Variants in TRIM5 observed in about 807,000 individuals in gnomAD.
The protein encoded by TRIM5 is tripartite motif containing 5, also known as tripartite motif-containing protein 5.
A neutral mutation model predicts 35.6 loss-of-function variants in TRIM5; 31 were observed. The observed-to-expected ratio is 0.87, with a 90% CI of 0.65 to 1.18. The LOEUF is 1.18. Among genes scored for constraint, TRIM5 ranks in the 50% most tolerant of loss-of-function variants. TRIM5 has a pLI of 0.00. For synonymous variants in TRIM5, 243 were observed against 215.6 expected (o/e 1.13, Z -1.11); for missense variants, 609 against 591.6 (o/e 1.03, Z -0.31).
chr11:5,675,286 G>A (rs1851861953), intron 4 of TRIM5, among the ~76,000 whole-genome samples: 2 of 152,114 alleles, frequency 1.3e-5, no homozygotes, highest in South Asian at 4.2e-4. Flanking sequence ...ATTTCAAGAT[G>A]ATGACAACAG....
the TRIM5 span, among the ~76,000 whole-genome samples, chr11:5,623,294 T>C: frequency 6.6e-6 from 1 of 152,010 alleles, no homozygotes; most frequent in African/African-American, 2.4e-5. Context: ...GGAAAAGAAA[T>C]CTGAAAGTAT....
the TRIM5 span, among the ~76,000 whole-genome samples, chr11:5,621,574 G>A: frequency 6.6e-6 from 1 of 152,184 alleles, no homozygotes; most frequent in African/African-American, 2.4e-5. Flanking sequence ...GTTTCCAAAA[G>A]TGATGATTTT....
At chr11:5,659,139 C>T (rs1590212048), downstream of TRIM5, among the ~76,000 whole-genome samples, 1 of 150,684 alleles carries the variant, frequency 6.6e-6, no homozygotes, top group African/African-American at 2.4e-5. Flanking sequence ...TACCCTAGAA[C>T]TTAAAGTATA....
At chr11:5,659,125 C>T (rs1564899924), downstream of TRIM5, among the ~76,000 whole-genome samples, 1 of 151,864 alleles carries the variant, frequency 6.6e-6, no homozygotes, top group Non-Finnish European at 1.5e-5. Flanking sequence ...ACATTGTGCA[C>T]ATGTACCCTA....
chr11:5,646,369 T>C, the TRIM5 span, among the ~76,000 whole-genome samples: 2 of 152,140 alleles, frequency 1.3e-5, no homozygotes, highest in Non-Finnish European at 2.9e-5. Flanking sequence ...TTGCGAATAA[T>C]AGCATGAAAC....
At chr11:5,600,821 C>T in the TRIM5 span, among the ~76,000 whole-genome samples, 1,589 of 152,194 alleles carry the variant, frequency 0.01, 32 homozygotes, top group African/African-American at 0.036. Context: ...GAACCAGGGC[C>T]AGAGCTTCAC....
rs1850986705 is a variant in TRIM5, at chr11:5,664,639, A to C, written c.*170T>G. 1 of 1,358,958 alleles carries C rather than the reference A, an allele frequency of 7.4e-7. No homozygotes were observed. Among genetic ancestry groups the C allele is most frequent in the East Asian group, 2.7e-5 (1 of 37,234 alleles). The allele number at this position is 1,358,958 out of a possible 1,614,324, so 84.2% of individuals were successfully genotyped here. A position where few individuals can be genotyped will look rare whatever the true frequency, so the allele number is the denominator to read the frequency against. ...CAAATGTCAATAAAATATTGGGGAC[A>C]ATATGGCACAAGGCAATTATTACAT... On this transcript the variant is annotated 3_prime_UTR_variant, in exon 8 of 8. Transcript: ENST00000380034.
chr11:5,597,452 A>G, the TRIM5 span, among the ~76,000 whole-genome samples: 1 of 152,214 alleles, frequency 6.6e-6, no homozygotes, highest in Non-Finnish European at 1.5e-5. Context: ...TTGTTTTGAA[A>G]CTGATTATGT....
chr11:5,644,932 G>T, the TRIM5 span, among the ~76,000 whole-genome samples: 1 of 152,140 alleles, frequency 6.6e-6, no homozygotes, highest in Non-Finnish European at 1.5e-5. Flanking sequence ...GTTCTTGGGA[G>T]ATCTGGTTAT....
chr11:5,603,806 C>A, the TRIM5 span: 1 of 1,547,788 alleles, frequency 6.5e-7, no homozygotes, highest in East Asian at 2.3e-5. Context: ...TTATCATGCT[C>A]TGATCTAATC....
intron 4 of TRIM5, among the ~76,000 whole-genome samples, chr11:5,672,455 C>T (rs1038908003): frequency 6.6e-6 from 1 of 152,114 alleles, no homozygotes; most frequent in African/African-American, 2.4e-5. Flanking sequence ...AGGTGATCCA[C>T]CTGCCCCAGC....
In TRIM5 at chr11:5,663,350, A is replaced by G. The variant is rs1850900910; in HGVS notation, c.*1459T>C. 2 of 958,888 alleles carry G rather than the reference A, an allele frequency of 2.1e-6. No homozygotes were observed. Among genetic ancestry groups the G allele is most frequent in the Non-Finnish European group, 2.5e-6 (2 of 805,768 alleles). 59.4% of individuals were successfully genotyped at this position (958,888 alleles called of 1,614,324 possible). ...TAATATGTAGCAACACTAGAATTAC[A>G]ATAAAATCCTAAATATATGTGTGTA... On this transcript the variant is annotated 3_prime_UTR_variant, in exon 8 of 8. Coordinates refer to ENST00000380034, the MANE Select transcript of TRIM5 (RefSeq NM_033034.3).
intron 4 of TRIM5, among the ~76,000 whole-genome samples, chr11:5,673,216 C>T (rs1482660157): frequency 6.6e-6 from 1 of 151,884 alleles, no homozygotes; most frequent in African/African-American, 2.4e-5. Flanking sequence ...TAAATAAACC[C>T]AAAGTAGAAA....
chr11:5,660,817 C>T (rs1219243896), downstream of TRIM5, among the ~76,000 whole-genome samples: 4 of 151,540 alleles, frequency 2.6e-5, no homozygotes, highest in East Asian at 1.9e-4. Context: ...CCGAGGCGGG[C>T]GGATCTTGAG....
At chr11:5,620,506 T>G in the TRIM5 span, among the ~76,000 whole-genome samples, 1 of 152,124 alleles carries the variant, frequency 6.6e-6, no homozygotes, top group Non-Finnish European at 1.5e-5. Context: ...CAGCCAAGCT[T>G]TTTTTCTCTT....
intron 1 of TRIM5, among the ~76,000 whole-genome samples, 196 bp downstream of exon 1, chr11:5,684,672 G>A (rs767604174): frequency 2.6e-5 from 4 of 152,172 alleles, no homozygotes; most frequent in Non-Finnish European, 4.4e-5. Context: ...AGTAGGGAGG[G>A]GATGGGGAGA....
chr11:5,639,568 T>TA, the TRIM5 span, among the ~76,000 whole-genome samples: 1 of 148,920 alleles, frequency 6.7e-6, no homozygotes, highest in African/African-American at 2.5e-5. Context: ...TAGTCCCAGG[T>TA]ACTTGGGAGG....
chr11:5,595,720 C>CTTT, the TRIM5 span, among the ~76,000 whole-genome samples: 1,316 of 141,228 alleles, frequency 9.3e-3, 52 homozygotes, highest in East Asian at 0.075. Context: ...TTCAAAAATT[C>CTTT]TTTTTTTTTT....
At chr11:5,592,323 G>C in the TRIM5 span, among the ~76,000 whole-genome samples, 2,019 of 152,202 alleles carry the variant, frequency 0.013, 50 homozygotes, top group African/African-American at 0.045. Context: ...TTCAGGGACT[G>C]TCCTAAGTAC....
Sources: allele counts gnomAD v4.1 joint callset (sites outside exome capture counted in the v4.1 genomes callset), GRCh38; gene constraint gnomAD v4.1.1; transcripts MANE v1.5; gene names NCBI Gene and HGNC (gene_info 2026-07-23, HGNC 2026-07-21).